PCLO: variants seen among roughly 807,000 people sequenced by gnomAD.
PCLO encodes protein piccolo.
In PCLO, 82 loss-of-function variants were observed where a neutral mutation model predicts 427.5. The ratio of observed to expected loss-of-function variants is 0.19; its 90% CI spans 0.16 to 0.23. PCLO has a LOEUF of 0.23. PCLO is among the 10% of genes least tolerant of loss of function. The pLI is 1.00. For synonymous variants in PCLO, 2,357 were observed against 2,155.4 expected (o/e 1.09, Z -2.59); for missense variants, 6,239 against 6,115.9 (o/e 1.02, Z -0.67).
intron 22 of PCLO, among the ~76,000 whole-genome samples, chr7:82,794,450 A>ATTTTTTTTTTGTTT (rs141105612): frequency 1.6e-5 from 1 of 62,030 alleles, no homozygotes. Context: ...TAGTTCATAA[A>ATTTTTTTTTTGTTT]TTTTTTTTCT....
intron 3 of PCLO, among the ~76,000 whole-genome samples, chr7:82,990,541 T>C (rs1341128772): frequency 6.6e-6 from 1 of 152,104 alleles, no homozygotes; most frequent in South Asian, 2.1e-4. Flanking sequence ...AAAATAGAAC[T>C]TGAGTTTGGT....
rs946644662 is a variant in PCLO at position 82,755,329 on chromosome 7, C to G, written c.*3246G>C. 2 of 152,000 alleles carry G rather than the reference C, an allele frequency of 1.3e-5. No homozygotes were observed. Among genetic ancestry groups the G allele is most frequent in the Non-Finnish European group, 2.9e-5 (2 of 67,988 alleles). The allele number at this position is 152,000 out of a possible 1,614,324, so 9.4% of individuals were successfully genotyped here. ...TGCCCCTTAGTCTTGATATTTTAAA[C>G]TGAAATATAAATAAAGAGTTCAGAG... On this transcript the variant is annotated 3_prime_UTR_variant, in exon 25 of 25. Transcript: ENST00000333891.
At chr7:82,903,384 G>A (rs1051503549) in intron 8 of PCLO, among the ~76,000 whole-genome samples, 2 of 151,938 alleles carry the variant, frequency 1.3e-5, no homozygotes, top group Non-Finnish European at 2.9e-5. Context: ...TATTGATAGT[G>A]TTATGTCTCC....
intron 6 of PCLO, among the ~76,000 whole-genome samples, chr7:82,932,239 C>T (rs1406518538): frequency 6.6e-6 from 1 of 152,106 alleles, no homozygotes; most frequent in Non-Finnish European, 1.5e-5. Context: ...TTCTAATTTA[C>T]ATCCTGGCAA....
intron 3 of PCLO, among the ~76,000 whole-genome samples, chr7:83,021,391 G>A (rs1053307372): frequency 5.9e-5 from 9 of 152,050 alleles, no homozygotes; most frequent in Admixed American, 1.3e-4. Context: ...TCTAAATTCT[G>A]ATTTTCCCAT....
intron 2 of PCLO, among the ~76,000 whole-genome samples, chr7:83,152,171 A>G (rs374594008): frequency 0.014 from 2,144 of 151,498 alleles, 71 homozygotes; most frequent in African/African-American, 0.049. Context: ...TCACTGTGTT[A>G]GCCAGGATGG....
Position 82,916,163 on chromosome 7 carries a change from T to A in PCLO, c.11823A>T (p.Gln3941His), listed in dbSNP as rs773831110. The change falls in exon 7 of 25, where the codon CAA becomes CAT. Residue 3941 changes from glutamine (Q) to histidine (H), a missense_variant. By Grantham distance (24) the Gln-to-His change is conservative. Around this residue, in one of 5 missense-constraint regions of PCLO, gnomAD observed 680 missense variants for 677.3 expected, o/e 1.00. Coordinates refer to ENST00000333891, the MANE Select transcript of PCLO (RefSeq NM_033026.6). ...VATMSFTPQV[Q>H]PTPTPQPSYQ... Reference sequence around the variant, plus strand: ...AAGAAGGCTGTGGGGTTGGTGTAGGTTGAACTTGAGGTGTGAAGGACATTG... The same window carrying A: ...AAGAAGGCTGTGGGGTTGGTGTAGGATGAACTTGAGGTGTGAAGGACATTG... 10 of 1,613,356 alleles carry A rather than the reference T, an allele frequency of 6.2e-6. No homozygotes were observed. Among genetic ancestry groups the A allele is most frequent in the Non-Finnish European group, 8.5e-6 (10 of 1,179,686 alleles).
intron 3 of PCLO, among the ~76,000 whole-genome samples, chr7:83,011,053 CAA>C (rs1310834303): frequency 6.6e-6 from 1 of 152,016 alleles, no homozygotes; most frequent in African/African-American, 2.4e-5. Flanking sequence ...TATCCCTTTA[CAA>C]AGTCAACTTT....
intron 10 of PCLO, among the ~76,000 whole-genome samples, chr7:82,864,202 T>C (rs1192434077): frequency 6.6e-6 from 1 of 152,156 alleles, no homozygotes; most frequent in Non-Finnish European, 1.5e-5. Context: ...TATAAATAAA[T>C]ATATTGAATT....
At chr7:82,862,220 A>G (rs1269507736) in intron 10 of PCLO, among the ~76,000 whole-genome samples, 2 of 152,102 alleles carry the variant, frequency 1.3e-5, no homozygotes, top group African/African-American at 4.8e-5. Flanking sequence ...ATTGATCATC[A>G]GAGAAATGAA....
At chr7:82,770,424 C>T (rs1790624686) in intron 22 of PCLO, among the ~76,000 whole-genome samples, 1 of 151,864 alleles carries the variant, frequency 6.6e-6, no homozygotes, top group Non-Finnish European at 1.5e-5. Context: ...CAGTGGAAGA[C>T]CATTAGAAGC....
chr7:83,155,837 G>C lies in PCLO; in HGVS notation c.804C>G (p.Asp268Glu). ...CTCGTTGAAGTGGCAATTTTGCATG[G>C]TCTGTCTGAGGAGTCTGGGTAGGAC... is the stretch of plus-strand genomic sequence containing the variant. ...IQGPTQTPQT[D>E]HAKLPLQRDA... The change falls in exon 2 of 25, where the codon GAC becomes GAG. Residue 268 changes from aspartate (D) to glutamate (E), a missense_variant. Transcript: ENST00000333891. The C allele has an allele frequency of 1.2e-6, 2 of 1,613,918 alleles. No individual in the cohort carries two copies. Among genetic ancestry groups the C allele is most frequent in the East Asian group, 2.2e-5 (1 of 44,858 alleles).
chr7:83,058,376 T>C (rs1271052224), intron 3 of PCLO, among the ~76,000 whole-genome samples: 2 of 152,106 alleles, frequency 1.3e-5, no homozygotes, highest in African/African-American at 4.8e-5. Flanking sequence ...TACATAGAGC[T>C]GACAATTTCT....
chr7:82,788,521 T>A (rs979650445), intron 22 of PCLO, among the ~76,000 whole-genome samples: 15 of 152,164 alleles, frequency 9.9e-5, no homozygotes, highest in Admixed American at 9.2e-4. Context: ...TGTAATTTCT[T>A]TTGATTAAGC....
chr7:82,951,758 AAC>A (rs1795355867), intron 5 of PCLO, 96 bp downstream of exon 5: 1 of 1,472,154 alleles, frequency 6.8e-7, no homozygotes, highest in Non-Finnish European at 9.0e-7. Flanking sequence ...GAGAAAAAGT[AAC>A]AAAACTGGAA....
intron 22 of PCLO, among the ~76,000 whole-genome samples, chr7:82,778,815 G>A (rs895524901): frequency 2.6e-5 from 4 of 151,574 alleles, no homozygotes; most frequent in African/African-American, 7.3e-5. Flanking sequence ...CATCTGCTCA[G>A]TTTCTTTGGT....
At chr7:82,885,369 A>G (rs896170397) in intron 9 of PCLO, among the ~76,000 whole-genome samples, 1 of 152,166 alleles carries the variant, frequency 6.6e-6, no homozygotes, top group South Asian at 2.1e-4. Context: ...AGTTTGGAAG[A>G]GGTCTCCCAA....
intron 22 of PCLO, among the ~76,000 whole-genome samples, chr7:82,770,170 G>A (rs1184258885): frequency 2.0e-5 from 3 of 151,944 alleles, no homozygotes; most frequent in African/African-American, 7.2e-5. Flanking sequence ...AATTACAAAG[G>A]TAAATTGTTA....
intron 14 of PCLO, 97 bp from the exon 15 acceptor site, chr7:82,838,439 G>A (rs1415165657): frequency 1.4e-6 from 1 of 698,918 alleles, no homozygotes; most frequent in African/African-American, 1.9e-5. Context: ...ATTCTTATAA[G>A]AAGCATCAAC....
Sources: allele counts gnomAD v4.1 joint callset (sites outside exome capture counted in the v4.1 genomes callset), GRCh38; gene constraint gnomAD v4.1.1; regional missense constraint gnomAD v4.1.1; transcripts MANE v1.5; gene names NCBI Gene and HGNC (gene_info 2026-07-23, HGNC 2026-07-21).